The following MAPK10 variants were observed in gnomAD, a reference collection of about 807,000 sequenced individuals.
MAPK10 encodes the protein JNK3 alpha protein kinase.
Under a neutral mutation model 59.3 loss-of-function variants are expected in MAPK10, and 25 were observed. That is an observed-to-expected ratio of 0.42 (90% CI 0.31 to 0.59). The LOEUF is 0.59. Ranked by LOEUF, MAPK10 falls within the 20% of genes least tolerant of loss-of-function variation. The pLI is 0.15. For missense variants in MAPK10, 351 were observed against 568.9 expected (o/e 0.62, Z 3.90); for synonymous variants, 190 against 200.5 (o/e 0.95, Z 0.44).
chr4:86,485,794 T>C (rs912221027), intron 1 of MAPK10, among the ~76,000 whole-genome samples: 3 of 152,198 alleles, frequency 2.0e-5, no homozygotes, highest in African/African-American at 7.2e-5. Context: ...TCAATAGGAC[T>C]ATTGTCCTTA....
chr4:86,428,612 AT>A (rs925352242), intron 1 of MAPK10, among the ~76,000 whole-genome samples: 1 of 152,224 alleles, frequency 6.6e-6, no homozygotes, highest in South Asian at 2.1e-4. Context: ...AACTTTTCTC[AT>A]TTTTTGACTG....
At chr4:86,211,925 C>G (rs954478281) in intron 2 of MAPK10, among the ~76,000 whole-genome samples, 10 of 151,744 alleles carry the variant, frequency 6.6e-5, no homozygotes, top group Non-Finnish European at 1.2e-4. Context: ...CCATGCTAGA[C>G]ACATACAAAA....
At chr4:86,427,389 A>G (rs1267469712) in intron 1 of MAPK10, among the ~76,000 whole-genome samples, 2 of 152,116 alleles carry the variant, frequency 1.3e-5, no homozygotes, top group African/African-American at 4.8e-5. Flanking sequence ...AGACGAGTCT[A>G]GTGGCCTCCT....
At chr4:86,402,079 A>T (rs1013312546) in intron 1 of MAPK10, among the ~76,000 whole-genome samples, 25 of 152,178 alleles carry the variant, frequency 1.6e-4, no homozygotes, top group African/African-American at 6.0e-4. Context: ...GGTCATACCT[A>T]AGACTGCTGG....
chr4:86,174,328 A>T lies in MAPK10; in HGVS notation c.67-14861T>A, dbSNP rs142454057. ...GATCATATCCTTTGCAGGGACATGCATGAAGCTGGAAGCCATCATCCTCAG... is the reference window on the plus strand; with the variant it reads ...GATCATATCCTTTGCAGGGACATGCTTGAAGCTGGAAGCCATCATCCTCAG... On this transcript the variant is annotated intron_variant, in intron 3 of 13. Coordinates refer to ENST00000641462, the MANE Select transcript of MAPK10 (RefSeq NM_138982.4). Among the ~76,000 whole-genome samples the T allele has an allele frequency of 5.5e-3, 840 of 152,342 alleles. 9 individuals carry two copies. Among genetic ancestry groups the T allele is most frequent in the African/African-American group, 0.019 (807 of 41,580 alleles).
At chr4:86,284,050 A>G (rs2094914815) in intron 2 of MAPK10, among the ~76,000 whole-genome samples, 1 of 152,170 alleles carries the variant, frequency 6.6e-6, no homozygotes, top group African/African-American at 2.4e-5. Flanking sequence ...TTGAGCATGA[A>G]TCCTCCTCCT....
intron 1 of MAPK10, among the ~76,000 whole-genome samples, chr4:86,504,513 T>C (rs1342002827): frequency 6.6e-6 from 1 of 152,134 alleles, no homozygotes; most frequent in Non-Finnish European, 1.5e-5. Context: ...AGCAGTACAG[T>C]TTACTATTAT....
At chr4:86,116,761 T>C (rs1580541169) in intron 4 of MAPK10, among the ~76,000 whole-genome samples, 1 of 152,260 alleles carries the variant, frequency 6.6e-6, no homozygotes, top group East Asian at 1.9e-4. Context: ...TGACATCAGT[T>C]TCCTCATACT....
intron 2 of MAPK10, among the ~76,000 whole-genome samples, chr4:86,333,730 T>C (rs893102734): frequency 3.3e-5 from 5 of 152,170 alleles, no homozygotes; most frequent in African/African-American, 1.2e-4. Flanking sequence ...GGTGACAGTC[T>C]CTAAGTTACT....
At chr4:86,070,137 T>A (rs138283381) in intron 9 of MAPK10, among the ~76,000 whole-genome samples, 1 of 152,194 alleles carries the variant, frequency 6.6e-6, no homozygotes, top group South Asian at 2.1e-4. Context: ...TCATTGTCAA[T>A]GAAATAGTTA....
intron 1 of MAPK10, among the ~76,000 whole-genome samples, chr4:86,471,643 A>T (rs1205469035): frequency 2.0e-5 from 3 of 152,250 alleles, no homozygotes; most frequent in Non-Finnish European, 4.4e-5. Flanking sequence ...CATACTTCAG[A>T]TTTTGTGAAG....
chr4:86,434,081 A>G (rs1748392246), intron 1 of MAPK10, among the ~76,000 whole-genome samples: 1 of 152,212 alleles, frequency 6.6e-6, no homozygotes, highest in African/African-American at 2.4e-5. Context: ...AATAAACTTT[A>G]ACGCCATGAA....
intron 1 of MAPK10, among the ~76,000 whole-genome samples, chr4:86,493,735 T>C (rs1439575781): frequency 6.6e-6 from 1 of 152,200 alleles, no homozygotes; most frequent in Admixed American, 6.5e-5. Flanking sequence ...CTATGGTTGA[T>C]GAAGACACAG....
At chr4:86,419,416 T>A (rs150606068) in intron 1 of MAPK10, among the ~76,000 whole-genome samples, 1 of 152,204 alleles carries the variant, frequency 6.6e-6, no homozygotes, top group Non-Finnish European at 1.5e-5. Context: ...TATACATTTA[T>A]GTACACAAAA....
intron 9 of MAPK10, among the ~76,000 whole-genome samples, chr4:86,097,323 G>A (rs746919171): frequency 4.0e-5 from 6 of 151,894 alleles, no homozygotes; most frequent in Admixed American, 6.6e-5. Context: ...TTAATATCCA[G>A]CAGAATGAAT....
In MAPK10 at chr4:86,477,052, G is replaced by A. The variant is rs554960548; in HGVS notation, c.-263+116858C>T. ...CTCCTTCCCAGATCCTCTCGGCTTA[G>A]CAGCTGAAGACTGACACTGCCCGAT... On this transcript the variant is annotated intron_variant, in intron 1 of 4. Coordinates refer to the MAPK10 transcript ENST00000502302. Among the ~76,000 whole-genome samples the A allele has an allele frequency of 2.6e-5, 4 of 152,252 alleles. No individual in the cohort carries two copies. In the East Asian group the frequency reaches 7.7e-4, roughly 29 times the overall value.
intron 2 of MAPK10, among the ~76,000 whole-genome samples, chr4:86,221,253 A>G (rs1350157884): frequency 6.6e-6 from 1 of 152,216 alleles, no homozygotes; most frequent in Admixed American, 6.5e-5. Context: ...GAACAATGCC[A>G]CCCAGCATGC....
chr4:86,365,347 G>A (rs993891024), intron 1 of MAPK10, among the ~76,000 whole-genome samples: 2 of 144,992 alleles, frequency 1.4e-5, no homozygotes, highest in African/African-American at 2.5e-5. Flanking sequence ...CAGGAGAATC[G>A]CTTGAACCCG....
intron 2 of MAPK10, among the ~76,000 whole-genome samples, chr4:86,207,850 T>G (rs1409912852): frequency 2.0e-5 from 3 of 152,118 alleles, no homozygotes; most frequent in Non-Finnish European, 2.9e-5. Flanking sequence ...TCTCTATTTG[T>G]CTGTTATTCG....
Sources: allele counts gnomAD v4.1 joint callset (sites outside exome capture counted in the v4.1 genomes callset), GRCh38; gene constraint gnomAD v4.1.1; transcripts MANE v1.5; gene names NCBI Gene and HGNC (gene_info 2026-07-23, HGNC 2026-07-21).